The following OLFM4 variants were observed in gnomAD, a reference collection of about 807,000 sequenced individuals.
OLFM4 encodes the protein olfactomedin-4.
In OLFM4, 22 loss-of-function variants were observed where a neutral mutation model predicts 25.5. The observed-to-expected ratio is 0.86, with a 90% confidence interval of 0.62 to 1.23. The LOEUF is 1.23. Among genes scored for constraint, OLFM4 ranks in the 50% most tolerant of loss-of-function variants. The pLI is 0.00. For missense variants in OLFM4, 594 were observed against 619.4 expected, an observed-to-expected ratio of 0.96 and a Z score of 0.44; for synonymous variants, 255 against 237.7, an observed-to-expected ratio of 1.07 and a Z score of -0.67.
chr13:53,041,786 A>G (rs1205051465), intron 2 of OLFM4, 124 bp from the exon 3 acceptor site: 3 of 649,324 alleles, frequency 4.6e-6, no homozygotes, highest in Non-Finnish European at 5.4e-6. Flanking sequence ...TTTTTGATCT[A>G]TTTATTTACA....
intron 2 of OLFM4, among the ~76,000 whole-genome samples, chr13:53,037,692 G>A (rs550196336): frequency 6.6e-6 from 1 of 152,248 alleles, no homozygotes; most frequent in East Asian, 1.9e-4. Context: ...GTCTAGTTGG[G>A]TCTAGCTCCA....
At chr13:53,037,859 A>G (rs1484881720) in intron 2 of OLFM4, among the ~76,000 whole-genome samples, 1 of 152,242 alleles carries the variant, frequency 6.6e-6, no homozygotes, top group East Asian at 1.9e-4. Context: ...AGAGACTGGC[A>G]GAAACATGAA....
chr13:53,048,497 A>T (rs1026874988), intron 4 of OLFM4, among the ~76,000 whole-genome samples: 1 of 152,170 alleles, frequency 6.6e-6, no homozygotes, highest in African/African-American at 2.4e-5. Context: ...TAAAAACAGA[A>T]TTTCTAGTAA....
intron 4 of OLFM4, 70 bp from the exon 5 acceptor site, chr13:53,049,899 G>C (rs1022686779): frequency 2.8e-6 from 4 of 1,422,402 alleles, no homozygotes; most frequent in Admixed American, 4.4e-5. Context: ...TGGTGCTTAG[G>C]ATATTAAACT....
intron 2 of OLFM4, among the ~76,000 whole-genome samples, chr13:53,040,503 C>G (rs78451486): frequency 0.016 from 2,481 of 152,292 alleles, 66 homozygotes; most frequent in African/African-American, 0.056. Flanking sequence ...CGCATTTCTC[C>G]CTTCTCCAGA....
chr13:53,040,391 C>G (rs1285292794), intron 2 of OLFM4, among the ~76,000 whole-genome samples: 1 of 152,248 alleles, frequency 6.6e-6, no homozygotes, highest in East Asian at 1.9e-4. Context: ...GGCACACACA[C>G]TCACATATTG....
intron 4 of OLFM4, 87 bp from the exon 5 acceptor site, chr13:53,049,882 A>G: frequency 5.2e-6 from 7 of 1,351,590 alleles, no homozygotes; most frequent in Non-Finnish European, 7.1e-6. Flanking sequence ...ATATTTATAG[A>G]TTCCTTTGGT....
chr13:53,029,210 T>G (rs537933778), intron 1 of OLFM4, among the ~76,000 whole-genome samples, 170 bp downstream of exon 1: 1 of 152,266 alleles, frequency 6.6e-6, no homozygotes, highest in Admixed American at 6.5e-5. Context: ...GTAAAATAAT[T>G]AAATTGTTAG....
chr13:53,048,476 G>A (rs896834918), intron 4 of OLFM4, among the ~76,000 whole-genome samples: 6 of 152,100 alleles, frequency 3.9e-5, no homozygotes, highest in Non-Finnish European at 8.8e-5. Flanking sequence ...AGCCCCAGCC[G>A]ATTGGAAAAA....
rs116080912 is a variant in OLFM4 at position 53,043,580 on chromosome 13, A to G, written c.730+316A>G. On this transcript the variant is annotated intron_variant, in intron 4 of 4. Transcript: ENST00000219022. The stretch of plus-strand genomic sequence containing the variant: ...AAATCTCTATGGTGATGGAGGCCCT[A>G]TCAGGGGCCTCAGGGGAAAGCCTCT... 2.9e-3 allele frequency among the ~76,000 whole-genome samples: 443 copies of G among 152,242 alleles called. 2 individuals are homozygous for G. The highest frequency in any genetic ancestry group is 0.01 in the African/African-American group (426 of 41,552).
intron 1 of OLFM4, among the ~76,000 whole-genome samples, chr13:53,033,425 A>G (rs1954639228): frequency 2.6e-5 from 4 of 152,214 alleles, no homozygotes; most frequent in African/African-American, 9.6e-5. Flanking sequence ...AATTTGCATC[A>G]TATATTTTCA....
chr13:53,039,878 C>T (rs892567342), intron 2 of OLFM4, among the ~76,000 whole-genome samples: 5 of 152,074 alleles, frequency 3.3e-5, no homozygotes, highest in Non-Finnish European at 5.9e-5. Context: ...ATCCTTTTTG[C>T]CTGAAGCCCT....
chr13:53,034,943 T>TCG (rs1365857051), intron 2 of OLFM4, among the ~76,000 whole-genome samples: 5 of 152,202 alleles, frequency 3.3e-5, no homozygotes, highest in Non-Finnish European at 4.4e-5. Context: ...CTATTTCTAT[T>TCG]CCATTCCTGC....
intron 2 of OLFM4, 56 bp downstream of exon 2, chr13:53,034,556 TTTTAA>T: frequency 6.8e-7 from 1 of 1,474,528 alleles, no homozygotes; most frequent in Non-Finnish European, 9.2e-7. Context: ...ACAAAATGTG[TTTTAA>T]TTTAGGATTT....
chr13:53,042,121 A>T lies in OLFM4; in HGVS notation c.569A>T (p.Glu190Val). 1 of 1,613,490 alleles carries T rather than the reference A, an allele frequency of 6.2e-7. No homozygotes were observed. Among genetic ancestry groups the T allele is most frequent in the Non-Finnish European group, 8.5e-7 (1 of 1,179,586 alleles). Residue 190 changes from glutamate (E) to valine (V), a missense_variant and splice_region_variant, in exon 3 of 5, where the codon GAG (glutamate) becomes GTG (valine). Transcript: ENST00000219022. ...GAAATTGTTGACCAGCTGGAGGTGG[A>T]GGTAAGGAGTGAACTCACTTCTTGG... ...SSEIVDQLEV[E>V]IRNMTLLVEK... is the part of the protein sequence containing the mutation.
intron 1 of OLFM4, among the ~76,000 whole-genome samples, chr13:53,033,363 T>C (rs1349051279): frequency 6.6e-6 from 1 of 152,220 alleles, no homozygotes; most frequent in Non-Finnish European, 1.5e-5. Flanking sequence ...AATGGCTGGT[T>C]CCCATTTTGA....
rs1954612354 is a variant in OLFM4 at position 53,028,870 on chromosome 13, C to T, written c.34C>T (p.Leu12=). The change falls in exon 1 of 5, where the codon CTG becomes TTG. Residue 12 remains leucine (L), a synonymous_variant. Transcript: ENST00000219022. The part of the protein sequence containing the change: ...RPGLSFLLAL[L]FFLGQAAGDL... ...CGGCCTCTCATTTCTCCTAGCCCTT[C>T]TGTTCTTCCTTGGCCAAGCTGCAGG... 6.2e-7 allele frequency: 1 copy of T among 1,614,120 alleles called. No homozygotes were observed. The highest frequency in any genetic ancestry group is 1.3e-5 in the African/African-American group (1 of 74,944).
In OLFM4 at chr13:53,050,890, C is replaced by G; in HGVS notation, c.*119C>G. 1.3e-6 allele frequency: 1 copy of G among 793,214 alleles called. No homozygotes were observed. Among genetic ancestry groups the G allele is most frequent in the Non-Finnish European group, 2.0e-6 (1 of 509,158 alleles). The allele number at this position is 793,214 out of a possible 1,614,324, so 49.1% of individuals were successfully genotyped here. On this transcript the variant is annotated 3_prime_UTR_variant, in exon 5 of 5. Coordinates refer to ENST00000219022, the MANE Select transcript of OLFM4 (RefSeq NM_006418.5). ...TTCATTTTGCAGCAATGTTTAGGTG[C>G]ATAGTTCTACCACACTAGAGATCTA...
At chr13:53,040,105 T>G (rs974566043) in intron 2 of OLFM4, among the ~76,000 whole-genome samples, 5 of 152,158 alleles carry the variant, frequency 3.3e-5, no homozygotes, top group Non-Finnish European at 7.3e-5. Flanking sequence ...AAAAAGCATA[T>G]AAAGCCAGCA....
Sources: gnomAD v4.1 joint callset for allele counts (sites outside exome capture counted in the v4.1 genomes callset) on GRCh38, gnomAD v4.1.1 for gene constraint, MANE v1.5 for transcripts, NCBI Gene and HGNC (gene_info 2026-07-23, HGNC 2026-07-21) for gene names.